Variants in EIF4G2 observed in about 807,000 individuals in gnomAD.
EIF4G2 encodes the protein DAP-5.
A neutral mutation model predicts 117.7 loss-of-function variants in EIF4G2; 8 were observed. That is an observed-to-expected ratio of 0.07 (90% CI 0.04 to 0.12). The LOEUF (loss-of-function observed/expected upper bound fraction) is 0.12. Among genes scored for constraint, EIF4G2 ranks in the 10% least tolerant of loss-of-function variants. The probability of loss-of-function intolerance (pLI) is 1.00; values close to 1 mark genes in which losing one functional copy is unlikely to be tolerated. For synonymous variants in EIF4G2, 413 were observed against 367.8 expected (o/e 1.12, Z -1.41); for missense variants, 812 against 1,086.2 (o/e 0.75, Z 3.55).
intron 1 of EIF4G2, chr11:10,807,853 A>C (rs941503843): frequency 6.7e-5 from 66 of 988,862 alleles, no homozygotes; most frequent in Admixed American, 5.5e-4. Flanking sequence ...AAGACGCGCG[A>C]GAGGGGGCCG....
intron 11 of EIF4G2, 71 bp downstream of exon 11, chr11:10,802,959 G>C: frequency 7.2e-7 from 1 of 1,388,642 alleles, no homozygotes; most frequent in Non-Finnish European, 1.0e-6. Context: ...TTTGGGGTGG[G>C]TGAGGAGGAA....
intron 1 of EIF4G2, 134 bp downstream of exon 1, chr11:10,808,571 G>A (rs1407313970): frequency 4.0e-6 from 4 of 989,910 alleles, no homozygotes; most frequent in East Asian, 2.3e-4. Context: ...CTGAAGCGCA[G>A]AGGAAATGCT....
Position 10,799,116 on chromosome 11 carries a change from T to TAAAAAAAAAAAAAA in EIF4G2, c.2537-17_2537-4dup. The TAAAAAAAAAAAAAA allele has an allele frequency of 6.8e-7, 1 of 1,468,484 alleles. No individual in the cohort carries two copies. The highest frequency in any genetic ancestry group is 9.1e-7 in the Non-Finnish European group (1 of 1,099,906). The allele number at this position is 1,468,484 out of a possible 1,614,324, so 91.0% of individuals were successfully genotyped here. A position where few individuals can be genotyped will look rare whatever the true frequency, so the allele number is the denominator to read the frequency against. On this transcript the variant is annotated splice_polypyrimidine_tract_variant and splice_region_variant and intron_variant, in intron 20 of 21. Coordinates refer to ENST00000339995, the MANE Select transcript of EIF4G2 (RefSeq NM_001418.4). ...CACAAAAAAGCGAAGTAACATGCCT[T>TAAAAAAAAAAAAAA]AAAAAAAAAAAAAAAAAGAAAAAAG...
intron 4 of EIF4G2, among the ~76,000 whole-genome samples, 175 bp downstream of exon 4, chr11:10,805,732 C>G (rs1211486804): frequency 1.3e-5 from 2 of 152,006 alleles, no homozygotes. Context: ...GGATTACAGG[C>G]GTGAGCCACA....
chr11:10,806,880 G>T lies in EIF4G2; in HGVS notation c.47C>A (p.Ser16Tyr). The change falls in exon 3 of 22, where the codon TCT becomes TAT. Residue 16 changes from serine to tyrosine, a missense_variant. Ser to Tyr is a moderately radical substitution (Grantham distance 144, BLOSUM62 -2). Transcript: ENST00000339995. ...ACCCCTACTTCCTCCTCCGCCCGAAGAAGCACTATTTAAAAGAAAAAAATT... is the reference window on the plus strand; with the variant it reads ...ACCCCTACTTCCTCCTCCGCCCGAATAAGCACTATTTAAAAGAAAAAAATT... 6.2e-7 allele frequency: 1 copy of T among 1,614,056 alleles called. No homozygotes were observed. Among genetic ancestry groups the T allele is most frequent in the Non-Finnish European group, 8.5e-7 (1 of 1,180,004 alleles).
rs368791885 is a variant in EIF4G2, at chr11:10,797,911, G to T, written c.2659-30C>A. ...AAATTAAGATTTGTAAATTAAAATA[G>T]TTCATGATATAAACAGAAATCCATC... On this transcript the variant is annotated intron_variant, in intron 21 of 21. Coordinates refer to ENST00000339995, the MANE Select transcript of EIF4G2 (RefSeq NM_001418.4). This position sits in a 1 kb window ranked among gnomAD's most constrained non-coding sequence, Gnocchi z 4.5. 5 of 1,603,342 alleles carry T rather than the reference G, an allele frequency of 3.1e-6. No individual in the cohort carries two copies. Among genetic ancestry groups the T allele is most frequent in the East Asian group, 4.5e-5 (2 of 44,810 alleles).
At position 10,803,254 on chromosome 11, in the gene EIF4G2, A is replaced by G. The variant is rs1372189267; in HGVS notation, c.854T>C (p.Met285Thr). The change falls in exon 10 of 22, where the codon ATG becomes ACG. Residue 285 changes from methionine to threonine, a missense_variant. Met to Thr is a moderately conservative substitution (Grantham distance 81, BLOSUM62 -1). Around this residue, in one of 4 missense-constraint regions of EIF4G2, gnomAD observed 154 missense variants for 322.1 expected, o/e 0.48. Coordinates refer to ENST00000339995, the MANE Select transcript of EIF4G2 (RefSeq NM_001418.4). This position sits in a 1 kb window ranked among gnomAD's most constrained non-coding sequence, Gnocchi z 4.0. ...CCTTGCTGGCAATTCCTTACTTAAC[A>G]TCAAGGAGCACATTCGGGCAAAGTA... 4.3e-6 allele frequency: 7 copies of G among 1,614,126 alleles called. No homozygotes were observed. The highest frequency in any genetic ancestry group is 5.1e-6 in the Non-Finnish European group (6 of 1,180,006).
rs1202951620 is a variant in EIF4G2 at position 10,801,849 on chromosome 11, T to C, written c.1300-75A>G. On this transcript the variant is annotated intron_variant, in intron 13 of 21. Coordinates refer to ENST00000339995, the MANE Select transcript of EIF4G2 (RefSeq NM_001418.4). ...TTATGGTAATCAAGTACCAAAGGGA[T>C]GAGCCAAGCCATAAAGTTAGTTTAA... The C allele has an allele frequency of 3.6e-6, 5 of 1,405,944 alleles. No individual in the cohort carries two copies. The African/African-American group carries it at 4.3e-5, about 12-fold the overall frequency. The allele number at this position is 1,405,944 out of a possible 1,614,324, so 87.1% of individuals were successfully genotyped here. A position where few individuals can be genotyped will look rare whatever the true frequency, so the allele number is the denominator to read the frequency against.
At chr11:10,807,464 T>G (rs1254758902) in intron 1 of EIF4G2, 83 bp from the exon 2 acceptor site, 1 of 1,424,886 alleles carries the variant, frequency 7.0e-7, no homozygotes, top group African/African-American at 1.5e-5. Context: ...GTATTTCAGA[T>G]CCTGGCACTG....
Position 10,800,973 on chromosome 11 carries a change from G to A in EIF4G2, c.1528C>T (p.Pro510Ser), listed in dbSNP as rs778459575. The A allele has an allele frequency of 1.2e-6, 2 of 1,614,172 alleles. No homozygotes were observed. The highest frequency in any genetic ancestry group is 2.2e-5 in the East Asian group (1 of 44,888). ...ACTATGGTCTGTACCTGTCCCAGAG[G>A]TGGTGTTTGAGTGCGTGGTGGTTGT... The change falls in exon 15 of 22, where the codon CCT becomes TCT. Residue 510 changes from proline to serine, a missense_variant. Transcript: ENST00000339995.
intron 5 of EIF4G2, 55 bp from the exon 6 acceptor site, chr11:10,804,473 C>T (rs1419136465): frequency 6.6e-7 from 1 of 1,522,914 alleles, no homozygotes; most frequent in Non-Finnish European, 8.8e-7. Context: ...AAGAACCCTT[C>T]CTTTAGGAAA....
intron 18 of EIF4G2, 132 bp from the exon 19 acceptor site, chr11:10,799,888 C>A (rs1847368771): frequency 1.2e-5 from 15 of 1,234,760 alleles, no homozygotes; most frequent in Non-Finnish European, 1.7e-5. Context: ...ACCAACCCAG[C>A]AAATGAAAAA....
In EIF4G2 at chr11:10,800,873, G is replaced by T. The variant is rs1382373654; in HGVS notation, c.1540-38C>A. 1.9e-6 allele frequency: 3 copies of T among 1,611,740 alleles called. No individual in the cohort carries two copies. In the Admixed American group the frequency reaches 5.0e-5, roughly 27 times the overall value. ...CAATGACAGACTTTTTTTAAAAAGA[G>T]GACTATGAAATTAGGGGGAAGAACA... On this transcript the variant is annotated intron_variant, in intron 15 of 21. Coordinates refer to ENST00000339995, the MANE Select transcript of EIF4G2 (RefSeq NM_001418.4).
At position 10,799,282 on chromosome 11, in the gene EIF4G2, G is replaced by C; in HGVS notation, c.2467C>G (p.His823Asp). ...AGGGCACTGACTTGTAGATCAACGT[G>C]ATCATGAAGAAATTTCTGCATTACT... is the stretch of plus-strand genomic sequence containing the variant. The change falls in exon 20 of 22, where the codon CAC (histidine) becomes GAC (aspartate). Residue 823 changes from histidine to aspartate, a missense_variant. Coordinates refer to ENST00000339995, the MANE Select transcript of EIF4G2 (RefSeq NM_001418.4). The C allele has an allele frequency of 1.2e-6, 2 of 1,614,170 alleles. No homozygotes were observed. Among genetic ancestry groups the C allele is most frequent in the Non-Finnish European group, 1.7e-6 (2 of 1,180,038 alleles).
At position 10,802,453 on chromosome 11, in the gene EIF4G2, A is replaced by G. The variant is rs1297824129; in HGVS notation, c.997-18T>C. ...CCTAGATCCTTTAGAAATGAAGTGA[A>G]TATGCACTTTTTGTCTCTGGACACT... On this transcript the variant is annotated intron_variant, in intron 11 of 21. Transcript: ENST00000339995. 2 of 1,548,458 alleles carry G rather than the reference A, an allele frequency of 1.3e-6. No individual in the cohort carries two copies. Among genetic ancestry groups the G allele is most frequent in the African/African-American group, 1.4e-5 (1 of 71,898 alleles).
intron 12 of EIF4G2, 22 bp from the exon 13 acceptor site, chr11:10,802,231 A>G (rs768837683): frequency 3.1e-6 from 5 of 1,611,582 alleles, no homozygotes; most frequent in Non-Finnish European, 4.2e-6. Flanking sequence ...TATACGGACA[A>G]CTCTCAAAAC....
chr11:10,800,382 C>A, intron 17 of EIF4G2, 34 bp from the exon 18 acceptor site: 1 of 1,612,350 alleles, frequency 6.2e-7, no homozygotes, highest in Middle Eastern at 1.7e-4. Context: ...TATCAGTTTT[C>A]GAATTTGAGT....
At chr11:10,807,889 CG>C in intron 1 of EIF4G2, 1 of 1,007,264 alleles carries the variant, frequency 9.9e-7, no homozygotes, top group Non-Finnish European at 1.2e-6. Context: ...CACTTGCAGG[CG>C]GAAGACCAGG....
At position 10,803,596 on chromosome 11, in the gene EIF4G2, A is replaced by G. The variant is rs760500192; in HGVS notation, c.703-6T>C. The G allele has an allele frequency of 6.2e-7, 1 of 1,610,414 alleles. No individual in the cohort carries two copies. The highest frequency in any genetic ancestry group is 8.5e-7 in the Non-Finnish European group (1 of 1,177,462). Reference sequence around the variant, plus strand: ...CTCTTCTTCTTTTCCAAAAGCTACAAGAATAAAAGGCCATGGTGACAAAGT... The same window carrying G: ...CTCTTCTTCTTTTCCAAAAGCTACAGGAATAAAAGGCCATGGTGACAAAGT... On this transcript the variant is annotated splice_region_variant and splice_polypyrimidine_tract_variant and intron_variant, in intron 8 of 21. Transcript: ENST00000339995. The surrounding 1 kb of genome is among the most constrained non-coding windows in gnomAD (Gnocchi z 4.0).
Sources: allele counts gnomAD v4.1 joint callset (sites outside exome capture counted in the v4.1 genomes callset), GRCh38; gene constraint gnomAD v4.1.1; regional missense constraint gnomAD v4.1.1; non-coding constraint Gnocchi (gnomAD v3.1); transcripts MANE v1.5; gene names NCBI Gene and HGNC (gene_info 2026-07-23, HGNC 2026-07-21).